The following NXPH1 variants were observed in gnomAD, a reference collection of about 807,000 sequenced individuals.
NXPH1 encodes the protein neurexophilin 1.
A neutral mutation model predicts 23.7 loss-of-function variants in NXPH1; 5 were observed. The observed-to-expected ratio is 0.21, with a 90% confidence interval of 0.11 to 0.44. NXPH1 has a LOEUF of 0.44. Ranked by LOEUF, NXPH1 falls within the 20% of genes least tolerant of loss-of-function variation. The pLI, the probability that NXPH1 is intolerant of heterozygous loss-of-function variation, is 0.99. For synonymous variants in NXPH1, 144 were observed against 122.2 expected (o/e 1.18, Z -1.18); for missense variants, 324 against 321.6 (o/e 1.01, Z -0.06).
intron 2 of NXPH1, among the ~76,000 whole-genome samples, chr7:8,480,145 A>T (rs1345428039): frequency 6.6e-6 from 1 of 152,164 alleles, no homozygotes; most frequent in Non-Finnish European, 1.5e-5. Context: ...TAGCTGACAT[A>T]GGTCTATATT....
At chr7:8,560,070 G>A (rs1184868504) in intron 2 of NXPH1, among the ~76,000 whole-genome samples, 1 of 151,682 alleles carries the variant, frequency 6.6e-6, no homozygotes, top group Non-Finnish European at 1.5e-5. Flanking sequence ...TTACTTTGAT[G>A]CCTCAGTTAC....
chr7:8,726,070 CA>C (rs1484780074), intron 2 of NXPH1, among the ~76,000 whole-genome samples: 1 of 152,082 alleles, frequency 6.6e-6, no homozygotes, highest in African/African-American at 2.4e-5. Flanking sequence ...TCAAAAATAT[CA>C]AAGTCATTAT....
intron 2 of NXPH1, among the ~76,000 whole-genome samples, chr7:8,532,902 G>A (rs1817970692): frequency 6.6e-6 from 1 of 152,104 alleles, no homozygotes; most frequent in Non-Finnish European, 1.5e-5. Flanking sequence ...GGGGGTAAAT[G>A]AGGCAATGTA....
At chr7:8,727,974 G>A (rs1458452127) in intron 2 of NXPH1, among the ~76,000 whole-genome samples, 3 of 151,430 alleles carry the variant, frequency 2.0e-5, no homozygotes, top group Non-Finnish European at 4.4e-5. Flanking sequence ...CCATGAGCAT[G>A]GAATGTTCTT....
intron 2 of NXPH1, among the ~76,000 whole-genome samples, chr7:8,742,791 A>C (rs955943706): frequency 2.0e-5 from 3 of 152,202 alleles, no homozygotes; most frequent in Admixed American, 6.5e-5. Context: ...ATAAGCATAA[A>C]TTAATGTAAA....
intron 2 of NXPH1, among the ~76,000 whole-genome samples, chr7:8,576,497 G>A (rs1038619946): frequency 1.3e-5 from 2 of 152,278 alleles, no homozygotes; most frequent in Non-Finnish European, 2.9e-5. Context: ...ATGAAAGGAT[G>A]TACTGAGGGA....
chr7:8,643,309 A>C (rs774652423), intron 2 of NXPH1, among the ~76,000 whole-genome samples: 1 of 152,072 alleles, frequency 6.6e-6, no homozygotes, highest in Non-Finnish European at 1.5e-5. Context: ...ATTCTTATAC[A>C]TGTGTAATTT....
intron 2 of NXPH1, among the ~76,000 whole-genome samples, chr7:8,691,195 G>C (rs1027686170): frequency 6.6e-6 from 1 of 151,974 alleles, no homozygotes; most frequent in Non-Finnish European, 1.5e-5. Context: ...GCCCAGGCTG[G>C]AGTGCAATGG....
intron 2 of NXPH1, among the ~76,000 whole-genome samples, chr7:8,705,682 TG>T (rs1779692376): frequency 6.6e-6 from 1 of 152,278 alleles, no homozygotes; most frequent in South Asian, 2.1e-4. Flanking sequence ...CCTTTGGACG[TG>T]GTGCACAGTA....
intron 2 of NXPH1, among the ~76,000 whole-genome samples, chr7:8,543,295 T>C (rs183544663): frequency 6.6e-6 from 1 of 151,766 alleles, no homozygotes; most frequent in Non-Finnish European, 1.5e-5. Flanking sequence ...CCAAACCTTA[T>C]CCATGCAAGC....
At chr7:8,581,864 TG>T (rs1818880597) in intron 2 of NXPH1, among the ~76,000 whole-genome samples, 1 of 152,102 alleles carries the variant, frequency 6.6e-6, no homozygotes, top group African/African-American at 2.4e-5. Context: ...ATGGGCTCCT[TG>T]GGGTGTTGCT....
At chr7:8,717,333 A>T (rs2115203139) in intron 2 of NXPH1, among the ~76,000 whole-genome samples, 1 of 152,266 alleles carries the variant, frequency 6.6e-6, no homozygotes, top group East Asian at 1.9e-4. Flanking sequence ...AGAAGGATTT[A>T]TTATGTATGT....
intron 2 of NXPH1, among the ~76,000 whole-genome samples, chr7:8,561,878 C>T (rs1428517910): frequency 6.6e-6 from 1 of 151,582 alleles, no homozygotes; most frequent in Non-Finnish European, 1.5e-5. Flanking sequence ...AACAAAAGAA[C>T]AAAGCAGTAT....
At chr7:8,476,672 A>T (rs1293953250) in intron 2 of NXPH1, among the ~76,000 whole-genome samples, 1 of 151,264 alleles carries the variant, frequency 6.6e-6, no homozygotes, top group Non-Finnish European at 1.5e-5. Flanking sequence ...TTAGCTATGA[A>T]GTATATGATT....
At chr7:8,600,950 A>G (rs1819345551) in intron 2 of NXPH1, among the ~76,000 whole-genome samples, 1 of 151,594 alleles carries the variant, frequency 6.6e-6, no homozygotes, top group South Asian at 2.1e-4. Context: ...ACTATTGTCT[A>G]CATAATATAG....
chr7:8,614,379 C>T (rs767349059), intron 2 of NXPH1, among the ~76,000 whole-genome samples: 2 of 151,744 alleles, frequency 1.3e-5, no homozygotes, highest in Non-Finnish European at 2.9e-5. Flanking sequence ...TTCCTACTGG[C>T]TGTTTAAGAG....
At chr7:8,452,191 T>C (rs1248128475) in intron 2 of NXPH1, among the ~76,000 whole-genome samples, 1 of 152,226 alleles carries the variant, frequency 6.6e-6, no homozygotes, top group Non-Finnish European at 1.5e-5. Context: ...GAATACGTTT[T>C]TGATATACCC....
intron 2 of NXPH1, among the ~76,000 whole-genome samples, chr7:8,503,508 A>C (rs959501665): frequency 2.0e-5 from 3 of 151,958 alleles, no homozygotes; most frequent in Non-Finnish European, 2.9e-5. Flanking sequence ...TCCTGGAACT[A>C]TTTAGCACAA....
intron 2 of NXPH1, among the ~76,000 whole-genome samples, chr7:8,447,723 T>A (rs952079274): frequency 2.6e-5 from 4 of 152,258 alleles, no homozygotes; most frequent in African/African-American, 7.2e-5. Flanking sequence ...CTTGCATTCT[T>A]GACTGAAATT....
Sources: allele counts gnomAD v4.1 joint callset (sites outside exome capture counted in the v4.1 genomes callset), GRCh38; gene constraint gnomAD v4.1.1; transcripts MANE v1.5; gene names NCBI Gene and HGNC (gene_info 2026-07-23, HGNC 2026-07-21).